MAPKAP1: variants seen among roughly 807,000 people sequenced by gnomAD.
The protein encoded by MAPKAP1 is target of rapamycin complex 2 subunit MAPKAP1.
Under a neutral mutation model 65.7 loss-of-function variants are expected in MAPKAP1, and 20 were observed. That is an observed-to-expected ratio of 0.30 (90% CI 0.21 to 0.44). The LOEUF is 0.44. MAPKAP1 is among the 20% of genes least tolerant of loss of function. The pLI is 1.00. For synonymous variants in MAPKAP1, 222 were observed against 244.3 expected (o/e 0.91, Z 0.85); for missense variants, 423 against 648.0 (o/e 0.65, Z 3.77).
chr9:125,537,251 A>C (rs1305403913), intron 7 of MAPKAP1, among the ~76,000 whole-genome samples: 1 of 152,230 alleles, frequency 6.6e-6, no homozygotes, highest in Non-Finnish European at 1.5e-5. Flanking sequence ...TTACATATAC[A>C]GTTACCATAG....
intron 4 of MAPKAP1, among the ~76,000 whole-genome samples, chr9:125,587,104 C>A (rs1032866036): frequency 6.6e-6 from 1 of 152,254 alleles, no homozygotes; most frequent in East Asian, 1.9e-4. Context: ...ATAAATATAT[C>A]AATTCAAAAT....
chr9:125,477,163 TGTATATCTTATACA>T (rs2133014330), intron 9 of MAPKAP1, among the ~76,000 whole-genome samples: 1 of 152,362 alleles, frequency 6.6e-6, no homozygotes, highest in African/African-American at 2.4e-5. Flanking sequence ...ATACAGACTC[TGTATATCTTATACA>T]GAATTATTTT....
At chr9:125,672,189 A>T in intron 2 of MAPKAP1, 127 bp downstream of exon 2, 1 of 999,956 alleles carries the variant, frequency 1.0e-6, no homozygotes, top group Non-Finnish European at 1.5e-6. Context: ...TCTTAGTCTG[A>T]CATATGCATG....
chr9:125,537,132 GTCAAAAAA>G (rs1220572652), intron 7 of MAPKAP1, among the ~76,000 whole-genome samples: 1 of 152,160 alleles, frequency 6.6e-6, no homozygotes, highest in Non-Finnish European at 1.5e-5. Flanking sequence ...GGGCTTTGAG[GTCAAAAAA>G]GCCTGGGCTC....
intron 7 of MAPKAP1, among the ~76,000 whole-genome samples, chr9:125,515,802 G>T (rs925367200): frequency 3.3e-5 from 5 of 152,174 alleles, no homozygotes. Flanking sequence ...CAAGGGGGCC[G>T]GCCAGAAGAT....
rs1589272948 is a variant in MAPKAP1, at chr9:125,543,148, G to A, written c.869C>T (p.Ser290Phe). ...FVRINAAHGFSLIQVDNTKVT... is the reference protein window; with the variant it reads ...FVRINAAHGFFLIQVDNTKVT... ...CTTTGTGTTGTCCACCTGAATAAGG[G>A]AGAATCCATGAGCAGCATTTCTGTA... Residue 290 changes from serine (S) to phenylalanine (F), a missense_variant, in exon 7 of 12, where the codon TCC becomes TTC. Coordinates refer to ENST00000265960, the MANE Select transcript of MAPKAP1 (RefSeq NM_001006617.3). 2 of 1,610,512 alleles carry A rather than the reference G, an allele frequency of 1.2e-6. No homozygotes were observed. The highest frequency in any genetic ancestry group is 1.1e-5 in the South Asian group (1 of 91,004).
chr9:125,560,660 A>T (rs1363189773), intron 5 of MAPKAP1, among the ~76,000 whole-genome samples: 1 of 152,232 alleles, frequency 6.6e-6, no homozygotes, highest in Non-Finnish European at 1.5e-5. Flanking sequence ...TAACCAAGAC[A>T]ATCCATACAG....
chr9:125,621,730 C>T (rs1832905818), intron 4 of MAPKAP1, among the ~76,000 whole-genome samples: 1 of 152,176 alleles, frequency 6.6e-6, no homozygotes. Context: ...TATACAAATT[C>T]CATGGTCATT....
chr9:125,672,630 A>G lies in MAPKAP1; in HGVS notation c.-56T>C, dbSNP rs562352813. The G allele has an allele frequency of 5.2e-4, 820 of 1,580,844 alleles. 7 individuals are homozygous for G. The South Asian group carries it at 9.0e-3, about 17-fold the overall frequency. On this transcript the variant is annotated 5_prime_UTR_variant, in exon 2 of 12. Transcript: ENST00000265960. ...TATTTTCTCCTCTTCATATTGTTTC[A>G]CGAGCTCACCTACCTAGAAACATGA...
At position 125,536,486 on chromosome 9, in the gene MAPKAP1, G is replaced by T. The variant is rs147472362; in HGVS notation, c.958+6573C>A. 3.1e-3 allele frequency among the ~76,000 whole-genome samples: 472 copies of T among 152,264 alleles called. 2 individuals carry two copies. Among genetic ancestry groups the T allele is most frequent in the Middle Eastern group, 6.8e-3 (2 of 294 alleles). On this transcript the variant is annotated intron_variant, in intron 7 of 11. Coordinates refer to ENST00000265960, the MANE Select transcript of MAPKAP1 (RefSeq NM_001006617.3). ...CCTATTCATCCCCTATGCATGAGTG[G>T]CATCAGCATGATTACTTATTCTTCC... is the stretch of plus-strand genomic sequence containing the variant.
chr9:125,612,921 A>G (rs973365359), intron 4 of MAPKAP1, among the ~76,000 whole-genome samples: 1 of 152,220 alleles, frequency 6.6e-6, no homozygotes, highest in Non-Finnish European at 1.5e-5. Flanking sequence ...TATTACTTTT[A>G]CCCAATTTTA....
At chr9:125,587,041 C>A (rs1381225736) in intron 4 of MAPKAP1, among the ~76,000 whole-genome samples, 1 of 152,176 alleles carries the variant, frequency 6.6e-6, no homozygotes, top group African/African-American at 2.4e-5. Context: ...GATGCTGGGA[C>A]AAGTGGATAG....
At chr9:125,533,917 A>G (rs527790034) in intron 7 of MAPKAP1, among the ~76,000 whole-genome samples, 1 of 152,350 alleles carries the variant, frequency 6.6e-6, no homozygotes, top group South Asian at 2.1e-4. Context: ...AATAATCTAA[A>G]CATCCTTCAA....
At chr9:125,558,349 G>A (rs1830797864) in intron 6 of MAPKAP1, among the ~76,000 whole-genome samples, 1 of 152,052 alleles carries the variant, frequency 6.6e-6, no homozygotes, top group African/African-American at 2.4e-5. Context: ...TGAAAAAGCA[G>A]GAAAAAATTT....
intron 4 of MAPKAP1, among the ~76,000 whole-genome samples, chr9:125,602,789 G>A (rs527352930): frequency 1.3e-5 from 2 of 152,282 alleles, no homozygotes; most frequent in South Asian, 2.1e-4. Context: ...TCTTAGAGCT[G>A]TTCGTTAAGT....
intron 7 of MAPKAP1, among the ~76,000 whole-genome samples, chr9:125,509,201 A>G (rs551099307): frequency 1.3e-5 from 2 of 152,342 alleles, no homozygotes; most frequent in South Asian, 2.1e-4. Context: ...TGATCATTAC[A>G]CATTCTATGA....
intron 4 of MAPKAP1, among the ~76,000 whole-genome samples, chr9:125,592,525 G>A (rs1831994579): frequency 1.3e-5 from 2 of 152,132 alleles, no homozygotes; most frequent in Non-Finnish European, 2.9e-5. Flanking sequence ...ACCATTCAGG[G>A]CTTAAAAGTT....
At chr9:125,526,406 C>A (rs1288752529) in intron 7 of MAPKAP1, among the ~76,000 whole-genome samples, 3 of 152,188 alleles carry the variant, frequency 2.0e-5, no homozygotes, top group African/African-American at 7.2e-5. Flanking sequence ...ATTAGTCATC[C>A]TTCCAATGGG....
intron 8 of MAPKAP1, among the ~76,000 whole-genome samples, chr9:125,502,045 A>G (rs182624424): frequency 6.8e-6 from 1 of 146,592 alleles, no homozygotes; most frequent in African/African-American, 2.5e-5. Context: ...AGGTTTTTCT[A>G]TTTTTCAATT....
Sources: allele counts gnomAD v4.1 joint callset (sites outside exome capture counted in the v4.1 genomes callset), GRCh38; gene constraint gnomAD v4.1.1; transcripts MANE v1.5; gene names NCBI Gene and HGNC (gene_info 2026-07-23, HGNC 2026-07-21).